TDO2: variants seen among roughly 807,000 people sequenced by gnomAD.
TDO2 encodes tryptamin 2,3-dioxygenase.
Under a neutral mutation model 61.2 loss-of-function variants are expected in TDO2, and 63 were observed. The ratio of observed to expected loss-of-function variants is 1.03; its 90% CI spans 0.84 to 1.27. The LOEUF is 1.27. Among genes scored for constraint, TDO2 ranks in the 50% most tolerant of loss-of-function variants. The pLI is 0.00. For missense variants in TDO2, 494 were observed against 469.5 expected (o/e 1.05, Z -0.48); for synonymous variants, 183 against 164.0 (o/e 1.12, Z -0.89).
chr4:155,911,704 TA>T (rs1742835833), intron 7 of TDO2, 100 bp downstream of exon 7: 1 of 767,008 alleles, frequency 1.3e-6, no homozygotes, highest in Non-Finnish European at 1.9e-6. Context: ...CTCTTTCTCA[TA>T]TTTTTTTCTT....
chr4:155,905,040 G>C (rs760840574), intron 2 of TDO2, 27 bp from the exon 3 acceptor site: 1 of 1,520,872 alleles, frequency 6.6e-7, no homozygotes, highest in South Asian at 1.3e-5. Flanking sequence ...TGCAATTTCA[G>C]ACAGGCTTTT....
At chr4:155,919,718 T>C in intron 11 of TDO2, 119 bp from the exon 12 acceptor site, 3 of 788,374 alleles carry the variant, frequency 3.8e-6, no homozygotes, top group Non-Finnish European at 5.9e-6. Context: ...CAACATGCAA[T>C]ATATATTATA....
chr4:155,908,956 C>T lies in TDO2; in HGVS notation c.373C>T (p.Leu125=). The T allele has an allele frequency of 6.2e-7, 1 of 1,613,242 alleles. No homozygotes were observed. Among genetic ancestry groups the T allele is most frequent in the Non-Finnish European group, 8.5e-7 (1 of 1,179,660 alleles). Residue 125 remains leucine, a synonymous_variant, in exon 5 of 12, where the codon CTG becomes TTG. Transcript: ENST00000536354. ...MHRVSVILKL[L]VQQFSILETM... is the part of the protein sequence containing the mutation. ...CCGAGTGTCAGTGATCCTGAAACTG[C>T]TGGTGCAGCAGTTTTCCATTCTGGA...
At chr4:155,919,668 A>G in intron 11 of TDO2, among the ~76,000 whole-genome samples, 169 bp from the exon 12 acceptor site, 1 of 152,142 alleles carries the variant, frequency 6.6e-6, no homozygotes, top group East Asian at 1.9e-4. Context: ...GACAATCAAT[A>G]CTAATACTAC....
At chr4:155,917,562 CTT>C in intron 10 of TDO2, 88 bp downstream of exon 10, 1 of 1,040,150 alleles carries the variant, frequency 9.6e-7, no homozygotes, top group Non-Finnish European at 1.4e-6. Context: ...CTCCTGCCCA[CTT>C]TCTCTCTTTC....
intron 11 of TDO2, among the ~76,000 whole-genome samples, chr4:155,919,423 C>T (rs74988669): frequency 0.028 from 4,270 of 152,254 alleles, 76 homozygotes; most frequent in Non-Finnish European, 0.043. Context: ...TTAAACCCTT[C>T]AGGGCAGTTA....
rs540632225 is a variant in TDO2, at chr4:155,919,625, T to C, written c.1068-212T>C. Among the ~76,000 whole-genome samples, 10 of 152,250 alleles carry C rather than the reference T, an allele frequency of 6.6e-5. No individual in the cohort carries two copies. The East Asian group carries it at 1.4e-3, about 21-fold the overall frequency. Reference sequence around the variant, plus strand: ...TTCTAAAACACATAATACTGTTTTATGGGCATAAACTTTGAAAATGGAATA... The same window carrying C: ...TTCTAAAACACATAATACTGTTTTACGGGCATAAACTTTGAAAATGGAATA... On this transcript the variant is annotated intron_variant, in intron 11 of 11. Transcript: ENST00000536354.
intron 10 of TDO2, 29 bp from the exon 11 acceptor site, chr4:155,918,120 C>A (rs1217054269): frequency 1.2e-6 from 2 of 1,600,280 alleles, no homozygotes; most frequent in Non-Finnish European, 1.7e-6. Context: ...GGAAAAATAT[C>A]CATGGAGTAA....
At chr4:155,915,465 T>G (rs970100040) in intron 8 of TDO2, among the ~76,000 whole-genome samples, 2 of 152,162 alleles carry the variant, frequency 1.3e-5, no homozygotes, top group African/African-American at 4.8e-5. Context: ...TAATGTCAAG[T>G]GAATTAATGA....
chr4:155,907,682 T>C lies in TDO2; in HGVS notation c.233-40T>C, dbSNP rs1177487032. 9 of 1,404,748 alleles carry C rather than the reference T, an allele frequency of 6.4e-6. No individual in the cohort carries two copies. The Admixed American group carries it at 1.5e-4, about 24-fold the overall frequency. 87.0% of individuals were successfully genotyped at this position (1,404,748 alleles called of 1,614,324 possible). On this transcript the variant is annotated intron_variant, in intron 3 of 11. Coordinates refer to ENST00000536354, the MANE Select transcript of TDO2 (RefSeq NM_005651.4). ...TTCATATAATAATGGCCAAAAAGGC[T>C]CCCATAACTTTCCAACTGACAATGA...
chr4:155,903,705 A>G lies in TDO2; in HGVS notation c.-54A>G. 6 of 1,608,268 alleles carry G rather than the reference A, an allele frequency of 3.7e-6. No individual in the cohort carries two copies. Among genetic ancestry groups the G allele is most frequent in the Admixed American group, 1.7e-5 (1 of 59,956 alleles). On this transcript the variant is annotated 5_prime_UTR_variant, in exon 1 of 12. Transcript: ENST00000536354. ...TGTAGAACATCTGGGAAGGTCAATGATAGCATCTGCCTAGAGTCAAACCTC... is the reference window on the plus strand; with the variant it reads ...TGTAGAACATCTGGGAAGGTCAATGGTAGCATCTGCCTAGAGTCAAACCTC...
At chr4:155,915,387 G>C (rs1402869539) in intron 8 of TDO2, among the ~76,000 whole-genome samples, 1 of 152,136 alleles carries the variant, frequency 6.6e-6, no homozygotes, top group Non-Finnish European at 1.5e-5. Flanking sequence ...CTGCAGCAGG[G>C]AGAAAGTCTT....
chr4:155,916,884 A>G (rs1335301792), intron 9 of TDO2, among the ~76,000 whole-genome samples: 3 of 152,240 alleles, frequency 2.0e-5, no homozygotes, highest in Non-Finnish European at 4.4e-5. Flanking sequence ...AAACTCAAGT[A>G]AATGTATGCC....
intron 7 of TDO2, 96 bp from the exon 8 acceptor site, chr4:155,914,227 C>T: frequency 1.3e-6 from 1 of 788,478 alleles, no homozygotes; most frequent in Non-Finnish European, 2.0e-6. Context: ...TACATCATTT[C>T]TGCAACCATA....
At chr4:155,904,227 A>G (rs991814779) in intron 2 of TDO2, 104 bp downstream of exon 2, 1 of 804,782 alleles carries the variant, frequency 1.2e-6, no homozygotes. Context: ...GAAAGTCACC[A>G]ATCGTTTTCT....
intron 4 of TDO2, 142 bp from the exon 5 acceptor site, chr4:155,908,745 T>C (rs1048503366): frequency 2.0e-6 from 2 of 1,014,512 alleles, no homozygotes; most frequent in Non-Finnish European, 2.8e-6. Flanking sequence ...AACTGTTATA[T>C]ACTCTTTGCA....
intron 6 of TDO2, among the ~76,000 whole-genome samples, chr4:155,911,203 T>A (rs1306648116): frequency 1.3e-5 from 2 of 152,036 alleles, no homozygotes. Context: ...AACATATGTT[T>A]AAATATGTTT....
At chr4:155,910,502 C>T (rs1742810850) in intron 6 of TDO2, among the ~76,000 whole-genome samples, 1 of 152,032 alleles carries the variant, frequency 6.6e-6, no homozygotes, top group Non-Finnish European at 1.5e-5. Context: ...TTCTAAGTAA[C>T]ACTTAATTAG....
chr4:155,915,874 C>G lies in TDO2; in HGVS notation c.858C>G (p.Tyr286Ter). 3.1e-6 allele frequency: 5 copies of G among 1,610,586 alleles called. No individual in the cohort carries two copies. The highest frequency in any genetic ancestry group is 4.2e-6 in the Non-Finnish European group (5 of 1,178,972). Residue 286 changes from tyrosine to a stop codon, truncating the protein, a stop_gained, in exon 9 of 12, where the codon TAC (tyrosine) becomes TAG (stop). Coordinates refer to ENST00000536354, the MANE Select transcript of TDO2 (RefSeq NM_005651.4). LOFTEE classifies it high-confidence loss of function. ...TTGCAGGTGAAAGACGGCTGTCATA[C>G]AGAGCACTTCAGGGAGCATTGATGA... Reference protein sequence around the residue: ...LLSKGERRLSYRALQGALMIY... With the variant: ...LLSKGERRLS
Sources: allele counts gnomAD v4.1 joint callset (sites outside exome capture counted in the v4.1 genomes callset), GRCh38; gene constraint gnomAD v4.1.1; transcripts MANE v1.5; gene names NCBI Gene and HGNC (gene_info 2026-07-23, HGNC 2026-07-21).